DNAH11: variants seen among roughly 807,000 people sequenced by gnomAD.
DNAH11 encodes dynein axonemal heavy chain 11.
In DNAH11, 442 loss-of-function variants were observed where a neutral mutation model predicts 526.0. The ratio of observed to expected loss-of-function variants is 0.84; its 90% CI spans 0.78 to 0.91. The LOEUF (loss-of-function observed/expected upper bound fraction) is 0.91, where lower values mean the gene tolerates loss of function less well. DNAH11 is among the 40% of genes least tolerant of loss of function. The pLI is 0.00. For synonymous variants in DNAH11, 2,461 were observed against 1,935.9 expected, an observed-to-expected ratio of 1.27 and a Z score of -7.12; for missense variants, 6,989 against 5,448.7, an observed-to-expected ratio of 1.28 and a Z score of -8.90.
At chr7:21,620,988 A>C (rs1357423618) in intron 25 of DNAH11, among the ~76,000 whole-genome samples, 1 of 151,992 alleles carries the variant, frequency 6.6e-6, no homozygotes, top group Non-Finnish European at 1.5e-5. Flanking sequence ...GGTTGGTTCC[A>C]AGTCTTTGCT....
At chr7:21,831,816 C>A (rs544497489) in intron 65 of DNAH11, among the ~76,000 whole-genome samples, 2 of 152,158 alleles carry the variant, frequency 1.3e-5, no homozygotes, top group Non-Finnish European at 2.9e-5. Flanking sequence ...GTTGGCCAGG[C>A]GCAGTGGCTC....
intron 70 of DNAH11, among the ~76,000 whole-genome samples, chr7:21,865,024 A>T (rs1332082691): frequency 6.6e-6 from 1 of 152,176 alleles, no homozygotes; most frequent in African/African-American, 2.4e-5. Flanking sequence ...TCGTTTCACC[A>T]TTTTTCTAAA....
intron 81 of DNAH11, 116 bp from the exon 82 acceptor site, chr7:21,900,891 A>G (rs1784776212): frequency 2.7e-6 from 4 of 1,469,966 alleles, no homozygotes; most frequent in South Asian, 1.6e-5. Context: ...ACCACTGACA[A>G]GCAAAAATAT....
intron 81 of DNAH11, 131 bp from the exon 82 acceptor site, chr7:21,900,862 CGGCCAGCTCAGTAA>C (rs1562613830): frequency 5.9e-6 from 8 of 1,353,312 alleles, no homozygotes; most frequent in Non-Finnish European, 7.9e-6. Context: ...AAGCTCAGTC[CGGCCAGCTCAGTAA>C]AAATACCACT....
chr7:21,770,296 T>G (rs1419814331), intron 55 of DNAH11, among the ~76,000 whole-genome samples: 1 of 152,248 alleles, frequency 6.6e-6, no homozygotes, highest in East Asian at 1.9e-4. Flanking sequence ...CATTTTTGTT[T>G]TATATACTCC....
intron 27 of DNAH11, 85 bp from the exon 28 acceptor site, chr7:21,638,853 GA>G: frequency 6.8e-7 from 1 of 1,463,680 alleles, no homozygotes; most frequent in Non-Finnish European, 9.2e-7. Flanking sequence ...ATAATGAATG[GA>G]CATAGAGGAC....
intron 66 of DNAH11, among the ~76,000 whole-genome samples, chr7:21,849,021 G>T (rs1291218103): frequency 5.3e-5 from 8 of 152,134 alleles, no homozygotes; most frequent in Non-Finnish European, 1.5e-5. Context: ...GAGTAGCTGG[G>T]ATTACAGGCA....
intron 30 of DNAH11, among the ~76,000 whole-genome samples, chr7:21,665,737 A>G (rs988819170): frequency 1.3e-5 from 2 of 152,134 alleles, no homozygotes; most frequent in African/African-American, 2.4e-5. Context: ...GAAAGCATTT[A>G]TCCACATAAT....
chr7:21,685,609 CCTT>C (rs1468299810), intron 32 of DNAH11, among the ~76,000 whole-genome samples: 5 of 152,158 alleles, frequency 3.3e-5, no homozygotes, highest in African/African-American at 1.2e-4. Flanking sequence ...GATAGTGTCT[CCTT>C]CTTCCATATG....
intron 61 of DNAH11, among the ~76,000 whole-genome samples, chr7:21,797,825 A>G (rs947140709): frequency 9.2e-5 from 14 of 152,064 alleles, no homozygotes; most frequent in South Asian, 2.1e-4. Flanking sequence ...TTTTCATTCA[A>G]TGAAAAAAAG....
At chr7:21,738,953 TA>T in intron 47 of DNAH11, 87 bp downstream of exon 47, 1 of 1,187,136 alleles carries the variant, frequency 8.4e-7, no homozygotes, top group Non-Finnish European at 1.1e-6. Context: ...TTATTATGAA[TA>T]ATTATTATGG....
intron 42 of DNAH11, 94 bp from the exon 43 acceptor site, chr7:21,717,681 A>C: frequency 6.8e-7 from 1 of 1,471,768 alleles, no homozygotes; most frequent in African/African-American, 1.4e-5. Flanking sequence ...GAAGTGTTGC[A>C]CCAAGCTGTG....
At position 21,601,070 on chromosome 7, in the gene DNAH11, G is replaced by C; in HGVS notation, c.3316G>C (p.Asp1106His). The C allele has an allele frequency of 6.2e-7, 1 of 1,611,868 alleles. No individual in the cohort carries two copies. The highest frequency in any genetic ancestry group is 2.2e-5 in the East Asian group (1 of 44,868). The change falls in exon 17 of 82, where the codon GAT becomes CAT. Residue 1106 changes from aspartate to histidine, a missense_variant. Coordinates refer to ENST00000409508, the MANE Select transcript of DNAH11 (RefSeq NM_001277115.2). The stretch of plus-strand genomic sequence containing the variant: ...CAAATTTGAGGACTTTAGAGTGTTT[G>C]ATAGTTGGTTCAAGGTGGACATGAA... ...MSKFEDFRVF[D>H]SWFKVDMKPF...
chr7:21,619,310 C>T, intron 24 of DNAH11, 88 bp downstream of exon 24: 5 of 1,458,916 alleles, frequency 3.4e-6, no homozygotes, highest in Non-Finnish European at 3.7e-6. Flanking sequence ...CTTTTGATGT[C>T]CTGGGAGCCT....
chr7:21,858,216 G>C (rs1782927779), intron 68 of DNAH11, among the ~76,000 whole-genome samples: 1 of 152,118 alleles, frequency 6.6e-6, no homozygotes, highest in African/African-American at 2.4e-5. Context: ...TAAAGTTTCA[G>C]AAGACTCTTA....
At chr7:21,889,496 C>A (rs1391480625) in intron 76 of DNAH11, among the ~76,000 whole-genome samples, 1 of 152,250 alleles carries the variant, frequency 6.6e-6, no homozygotes, top group East Asian at 1.9e-4. Flanking sequence ...GTGGCTGCAC[C>A]ATTTTATCTT....
intron 30 of DNAH11, among the ~76,000 whole-genome samples, chr7:21,674,510 A>G (rs114763602): frequency 0.012 from 1,871 of 152,230 alleles, 40 homozygotes; most frequent in African/African-American, 0.043. Context: ...ACAAGTGTGC[A>G]CCACCATGCC....
chr7:21,889,497 A>G (rs1784254215), intron 76 of DNAH11, among the ~76,000 whole-genome samples: 1 of 152,154 alleles, frequency 6.6e-6, no homozygotes, highest in African/African-American at 2.4e-5. Flanking sequence ...TGGCTGCACC[A>G]TTTTATCTTC....
intron 62 of DNAH11, among the ~76,000 whole-genome samples, chr7:21,803,364 C>G (rs1015611581): frequency 1.3e-5 from 2 of 152,148 alleles, no homozygotes. Flanking sequence ...CTCTGCCTCT[C>G]CACGCTCAGC....
Sources: allele counts gnomAD v4.1 joint callset (sites outside exome capture counted in the v4.1 genomes callset), GRCh38; gene constraint gnomAD v4.1.1; transcripts MANE v1.5; gene names NCBI Gene and HGNC (gene_info 2026-07-23, HGNC 2026-07-21).